Variants in EMP2 observed in about 807,000 individuals in gnomAD.
The protein encoded by EMP2 is epithelial membrane protein 2.
Under a neutral mutation model 13.7 loss-of-function variants are expected in EMP2, and 19 were observed. That is an observed-to-expected ratio of 1.38 (90% CI 0.97 to 2.03). The LOEUF (loss-of-function observed/expected upper bound fraction) is 2.03. Ranked by LOEUF, EMP2 falls within the 30% of genes most tolerant of loss-of-function variation. The pLI is 0.00. For missense variants in EMP2, 253 were observed against 220.7 expected, an observed-to-expected ratio of 1.15 and a Z score of -0.93; for synonymous variants, 97 against 84.7, an observed-to-expected ratio of 1.15 and a Z score of -0.80.
In EMP2 at chr16:10,537,680, C is replaced by T. The variant is rs116942922; in HGVS notation, c.316+248G>A. ...CTCCAGATCCTCTGGCTTCATGTCT[C>T]CAGGATGCCTTCCCTGGACTCCCAA... is the stretch of plus-strand genomic sequence containing the variant. On this transcript the variant is annotated intron_variant, in intron 4 of 4. Transcript: ENST00000359543. Among the ~76,000 whole-genome samples the T allele has an allele frequency of 0.014, 2,156 of 152,144 alleles. 21 individuals carry two copies. The highest frequency in any genetic ancestry group is 0.024 in the Middle Eastern group (7 of 294).
In EMP2 at chr16:10,580,311, C is replaced by T. The variant is rs1305586417; in HGVS notation, c.-61+238G>A. On this transcript the variant is annotated intron_variant, in intron 1 of 4. Coordinates refer to ENST00000359543, the MANE Select transcript of EMP2 (RefSeq NM_001424.6). The surrounding 1 kb of genome is among the most constrained non-coding windows in gnomAD (Gnocchi z 4.3). ...CAAACTTTTCCCGCCTGCTTCGGCT[C>T]AAAAGGCGTGGGAAGCTGTCCCGGG... Among the ~76,000 whole-genome samples, 6 of 152,206 alleles carry T rather than the reference C, an allele frequency of 3.9e-5. No homozygotes were observed. The highest frequency in any genetic ancestry group is 5.9e-5 in the Non-Finnish European group (4 of 68,020).
chr16:10,547,299 C>A (rs1423017087), intron 2 of EMP2: 2 of 459,480 alleles, frequency 4.4e-6, no homozygotes, highest in Non-Finnish European at 7.8e-6. Context: ...TTATAAAGGG[C>A]AGTTCCCCTG....
intron 1 of EMP2, among the ~76,000 whole-genome samples, chr16:10,556,537 C>A (rs1241478205): frequency 6.6e-6 from 1 of 152,144 alleles, no homozygotes; most frequent in East Asian, 1.9e-4. Context: ...TAACTGTGGG[C>A]AGGACAGAGG....
chr16:10,563,857 TGGC>T (rs1464087164), intron 1 of EMP2, among the ~76,000 whole-genome samples: 1 of 152,226 alleles, frequency 6.6e-6, no homozygotes, highest in African/African-American at 2.4e-5. Flanking sequence ...GAACAGCATC[TGGC>T]ATGTAGCAAA....
In EMP2 at chr16:10,532,758, C is replaced by CTTTTTTTTTTTTTTTTTTTT. The variant is rs878927571; in HGVS notation, c.*127_*146dup. ...CTTTTGGATTTTTTTTTTCTTTTTT[C>CTTTTTTTTTTTTTTTTTTTT]TTTTTTTTTTTTTTTTTTTTTTTTT... On this transcript the variant is annotated 3_prime_UTR_variant, in exon 5 of 5. Transcript: ENST00000359543. 2.2e-5 allele frequency: 4 copies of CTTTTTTTTTTTTTTTTTTTT among 182,528 alleles called. No individual in the cohort carries two copies. Among genetic ancestry groups the CTTTTTTTTTTTTTTTTTTTT allele is most frequent in the Non-Finnish European group, 3.3e-5 (4 of 120,330 alleles). 11.3% of individuals were successfully genotyped at this position (182,528 alleles called of 1,614,324 possible).
intron 1 of EMP2, among the ~76,000 whole-genome samples, chr16:10,574,210 T>A (rs2050967175): frequency 6.6e-6 from 1 of 152,180 alleles, no homozygotes; most frequent in East Asian, 1.9e-4. Flanking sequence ...AGTGCTGGGA[T>A]TAGAGGCGTG....
Position 10,547,524 on chromosome 16 carries a change from A to C in EMP2, c.78+16T>G, listed in dbSNP as rs753489078. 6.2e-7 allele frequency: 1 copy of C among 1,613,680 alleles called. No individual in the cohort carries two copies. The highest frequency in any genetic ancestry group is 8.5e-7 in the Non-Finnish European group (1 of 1,179,888). On this transcript the variant is annotated intron_variant, in intron 2 of 4. Coordinates refer to ENST00000359543, the MANE Select transcript of EMP2 (RefSeq NM_001424.6). Reference sequence around the variant, plus strand: ...GGACCCAGGTTTCTGCGTGAGTGGCAGGAAAGGAAACTTACATTGTCGACG... The same window carrying C: ...GGACCCAGGTTTCTGCGTGAGTGGCCGGAAAGGAAACTTACATTGTCGACG...
intron 1 of EMP2, among the ~76,000 whole-genome samples, chr16:10,550,300 T>C (rs2050777286): frequency 6.6e-6 from 1 of 152,186 alleles, no homozygotes; most frequent in African/African-American, 2.4e-5. Flanking sequence ...AACCCAATAA[T>C]GTTCTACATG....
At chr16:10,536,421 G>A (rs1349783268) in intron 4 of EMP2, among the ~76,000 whole-genome samples, 3 of 152,058 alleles carry the variant, frequency 2.0e-5, no homozygotes, top group African/African-American at 7.2e-5. Flanking sequence ...AATCATGGGG[G>A]CGGTTCCCCC....
At chr16:10,541,171 G>A (rs552477205) in intron 3 of EMP2, among the ~76,000 whole-genome samples, 5 of 152,202 alleles carry the variant, frequency 3.3e-5, no homozygotes, top group East Asian at 3.9e-4. Context: ...GGGAGGCCAA[G>A]GTGGGAGGAT....
Position 10,577,197 on chromosome 16 carries a change from A to G in EMP2, c.-61+3352T>C, listed in dbSNP as rs1362357714. Among the ~76,000 whole-genome samples, 3 of 152,124 alleles carry G rather than the reference A, an allele frequency of 2.0e-5. No individual in the cohort carries two copies. The East Asian group carries it at 5.8e-4, about 29-fold the overall frequency. ...CTGTCAGTGTCATACTGGGACTTCT[A>G]AGGTCCTTATGCCCTGAAATTCTCC... On this transcript the variant is annotated intron_variant, in intron 1 of 4. Coordinates refer to ENST00000359543, the MANE Select transcript of EMP2 (RefSeq NM_001424.6).
chr16:10,545,793 C>T (rs2050734376), intron 2 of EMP2: 1 of 152,088 alleles, frequency 6.6e-6, no homozygotes, highest in South Asian at 2.1e-4. Context: ...CCTCCCCAGT[C>T]TGTAGAAAAA....
At chr16:10,550,106 G>A (rs896466626) in intron 1 of EMP2, among the ~76,000 whole-genome samples, 5 of 152,002 alleles carry the variant, frequency 3.3e-5, no homozygotes, top group East Asian at 1.9e-4. Context: ...GGCTGGTCTC[G>A]AACTCCTGAC....
intron 1 of EMP2, among the ~76,000 whole-genome samples, chr16:10,571,406 C>A (rs1000446219): frequency 5.3e-5 from 8 of 151,992 alleles, no homozygotes; most frequent in African/African-American, 1.7e-4. Flanking sequence ...GCACCTTAAA[C>A]CCCTGTGCCC....
intron 1 of EMP2, among the ~76,000 whole-genome samples, chr16:10,571,034 G>A (rs1399908374): frequency 6.6e-6 from 1 of 151,602 alleles, no homozygotes; most frequent in Non-Finnish European, 1.5e-5. Context: ...TGAGGCGGGT[G>A]GATCATGAGG....
intron 3 of EMP2, among the ~76,000 whole-genome samples, chr16:10,538,416 G>A (rs946178395): frequency 5.3e-5 from 8 of 152,182 alleles, no homozygotes; most frequent in Admixed American, 1.3e-4. Flanking sequence ...AGGTTCCAAC[G>A]TGGTAGATTG....
At chr16:10,547,387 G>T in intron 2 of EMP2, 153 bp downstream of exon 2, 1 of 796,116 alleles carries the variant, frequency 1.3e-6, no homozygotes, top group Non-Finnish European at 2.0e-6. Flanking sequence ...TCCCAGACAT[G>T]TGGAATTGTG....
chr16:10,539,723 AG>A (rs2050679716), intron 3 of EMP2, among the ~76,000 whole-genome samples: 1 of 152,212 alleles, frequency 6.6e-6, no homozygotes, highest in Non-Finnish European at 1.5e-5. Flanking sequence ...CATTAAAAAA[AG>A]AAAAAGAAAA....
chr16:10,558,498 TG>T (rs2050849014), intron 1 of EMP2, among the ~76,000 whole-genome samples: 1 of 152,010 alleles, frequency 6.6e-6, no homozygotes, highest in Non-Finnish European at 1.5e-5. Context: ...TGTGTGTGTG[TG>T]TGTGTGTCGC....
Sources: gnomAD v4.1 joint callset for allele counts (sites outside exome capture counted in the v4.1 genomes callset) on GRCh38, gnomAD v4.1.1 for gene constraint, Gnocchi (gnomAD v3.1) non-coding constraint, MANE v1.5 for transcripts, NCBI Gene and HGNC (gene_info 2026-07-23, HGNC 2026-07-21) for gene names.